Variants in SLC6A6 observed in about 807,000 individuals in gnomAD.
The protein encoded by SLC6A6 is sodium- and chloride-dependent taurine transporter.
In SLC6A6, 16 loss-of-function variants were observed where a neutral mutation model predicts 68.8. The ratio of observed to expected loss-of-function variants is 0.23; its 90% CI spans 0.16 to 0.35. The LOEUF is 0.35. SLC6A6 is among the 10% of genes least tolerant of loss of function. The pLI, the probability that SLC6A6 is intolerant of heterozygous loss-of-function variation, is 1.00. For synonymous variants in SLC6A6, 312 were observed against 315.4 expected (o/e 0.99, Z 0.12); for missense variants, 474 against 802.8 (o/e 0.59, Z 4.95).
chr3:14,443,520 G>A (rs867298721), intron 2 of SLC6A6, 104 bp from the exon 3 acceptor site: 87 of 781,770 alleles, frequency 1.1e-4, no homozygotes, highest in East Asian at 4.3e-4. Context: ...CCACAGGCCC[G>A]GGCAGGTGGG....
At chr3:14,417,732 GA>G (rs58223644) in intron 2 of SLC6A6, among the ~76,000 whole-genome samples, 8,120 of 105,778 alleles carry the variant, frequency 0.077, 661 homozygotes, top group African/African-American at 0.22. Flanking sequence ...ACTCCGTCTC[GA>G]AAAAAAAAAA....
intron 1 of SLC6A6, among the ~76,000 whole-genome samples, chr3:14,413,455 C>G (rs1699295381): frequency 6.6e-6 from 1 of 152,206 alleles, no homozygotes; most frequent in South Asian, 2.1e-4. Flanking sequence ...GAGCACCTGT[C>G]CTCAGCAAAC....
At chr3:14,403,663 G>A (rs1346835253) in intron 1 of SLC6A6, among the ~76,000 whole-genome samples, 1 of 152,242 alleles carries the variant, frequency 6.6e-6, no homozygotes, top group African/African-American at 2.4e-5. Flanking sequence ...CGGAGGGGCA[G>A]CCAAGGGGTA....
At chr3:14,421,956 C>T (rs550903715) in intron 2 of SLC6A6, among the ~76,000 whole-genome samples, 18 of 152,206 alleles carry the variant, frequency 1.2e-4, no homozygotes, top group African/African-American at 4.1e-4. Flanking sequence ...CTTCTCGTCT[C>T]GGCTCTTGGA....
chr3:14,457,995 T>A lies in SLC6A6; in HGVS notation c.645T>A (p.Ser215=), dbSNP rs1243075519. Residue 215 remains serine (S), a synonymous_variant, in exon 6 of 15, where the codon TCT becomes TCA. Coordinates refer to ENST00000622186, the MANE Select transcript of SLC6A6 (RefSeq NM_003043.6). ...CCCCTGGAATCGACCACCCAGGCTC[T>A]CTGAAATGGGACCTCGCTCTCTGCC... The part of the protein sequence containing the change: ...SLSPGIDHPG[S]LKWDLALCLL... The A allele has an allele frequency of 6.8e-6, 11 of 1,614,062 alleles. No individual in the cohort carries two copies. The highest frequency in any genetic ancestry group is 9.3e-6 in the Non-Finnish European group (11 of 1,179,868).
At chr3:14,430,622 G>A (rs531595484) in intron 2 of SLC6A6, among the ~76,000 whole-genome samples, 1 of 152,320 alleles carries the variant, frequency 6.6e-6, no homozygotes, top group South Asian at 2.1e-4. Flanking sequence ...GCACCATCTT[G>A]TAGTGCTGGA....
At chr3:14,467,776 A>G in intron 7 of SLC6A6, 77 bp from the exon 8 acceptor site, 1 of 825,842 alleles carries the variant, frequency 1.2e-6, no homozygotes, top group Non-Finnish European at 2.0e-6. Context: ...AGGTGGACAT[A>G]ACCCTCGCTG....
chr3:14,479,201 G>A lies in SLC6A6; in HGVS notation c.1551+16G>A, dbSNP rs762402817. On this transcript the variant is annotated intron_variant, in intron 13 of 14. Transcript: ENST00000622186. ...TCTCTGTGTTGTGAGTTCCATTTCT[G>A]TGGCTCTGGCTGGTGGCCTCTTCTC... is the stretch of plus-strand genomic sequence containing the variant. 9 of 1,529,932 alleles carry A rather than the reference G, an allele frequency of 5.9e-6. No homozygotes were observed. In the African/African-American group the frequency reaches 1.1e-4, roughly 19 times the overall value. The allele number at this position is 1,529,932 out of a possible 1,614,324, so 94.8% of individuals were successfully genotyped here. A position where few individuals can be genotyped will look rare whatever the true frequency, so the allele number is the denominator to read the frequency against.
At chr3:14,422,589 C>A (rs993871841) in intron 2 of SLC6A6, among the ~76,000 whole-genome samples, 1 of 152,146 alleles carries the variant, frequency 6.6e-6, no homozygotes, top group East Asian at 1.9e-4. Flanking sequence ...AGTGGCTCAC[C>A]TTCTGGGGGC....
chr3:14,467,833 C>T lies in SLC6A6; in HGVS notation c.868-20C>T. ...TGACAGCCCTCCTCTCTTTCCTTGC[C>T]ACCTCCCTCCCCCTCATAGGTGTGG... On this transcript the variant is annotated intron_variant, in intron 7 of 14. Coordinates refer to ENST00000622186, the MANE Select transcript of SLC6A6 (RefSeq NM_003043.6). The T allele has an allele frequency of 1.3e-6, 2 of 1,526,784 alleles. No homozygotes were observed. The highest frequency in any genetic ancestry group is 1.8e-6 in the Non-Finnish European group (2 of 1,110,746). 94.6% of individuals were successfully genotyped at this position (1,526,784 alleles called of 1,614,324 possible).
At chr3:14,427,133 C>G (rs1203621186) in intron 2 of SLC6A6, among the ~76,000 whole-genome samples, 1 of 152,170 alleles carries the variant, frequency 6.6e-6, no homozygotes, top group Non-Finnish European at 1.5e-5. Flanking sequence ...GCTTCTGTGC[C>G]TCAGAGTAGA....
chr3:14,469,950 T>A (rs1700714103), intron 9 of SLC6A6, among the ~76,000 whole-genome samples: 1 of 152,136 alleles, frequency 6.6e-6, no homozygotes, highest in South Asian at 2.1e-4. Flanking sequence ...GGCCAGAGAC[T>A]GAGGACACAG....
At chr3:14,436,498 C>A (rs1699853701) in intron 2 of SLC6A6, among the ~76,000 whole-genome samples, 1 of 123,418 alleles carries the variant, frequency 8.1e-6, no homozygotes, top group African/African-American at 3.1e-5. Context: ...GCCACCACGC[C>A]CACCCAGGAA....
At chr3:14,429,934 C>G (rs1699684811) in intron 2 of SLC6A6, among the ~76,000 whole-genome samples, 1 of 149,314 alleles carries the variant, frequency 6.7e-6, no homozygotes, top group African/African-American at 2.4e-5. Context: ...AGTGCAGTGT[C>G]TGGTGAATGG....
At chr3:14,409,788 G>A (rs1264860591) in intron 1 of SLC6A6, among the ~76,000 whole-genome samples, 6 of 152,182 alleles carry the variant, frequency 3.9e-5, no homozygotes, top group East Asian at 1.9e-4. Flanking sequence ...GGGACTTTGG[G>A]GTTGTGGGAT....
chr3:14,483,446 G>C (rs1363089350), intron 14 of SLC6A6, among the ~76,000 whole-genome samples: 1 of 152,242 alleles, frequency 6.6e-6, no homozygotes, highest in African/African-American at 2.4e-5. Flanking sequence ...CTCTGCCTGA[G>C]CCTCCTGTGT....
At chr3:14,439,754 TG>T (rs1431376779) in intron 2 of SLC6A6, among the ~76,000 whole-genome samples, 6 of 151,934 alleles carry the variant, frequency 3.9e-5, no homozygotes, top group African/African-American at 1.2e-4. Context: ...GGTGACCACT[TG>T]TGTGTGTGTG....
intron 1 of SLC6A6, among the ~76,000 whole-genome samples, chr3:14,413,983 C>CTG (rs1249245035): frequency 1.3e-4 from 20 of 152,016 alleles, no homozygotes; most frequent in African/African-American, 4.6e-4. Flanking sequence ...GTCTCCCAGG[C>CTG]ATGAGTCACC....
intron 1 of SLC6A6, among the ~76,000 whole-genome samples, chr3:14,403,450 T>A (rs1156858326): frequency 2.6e-5 from 4 of 152,142 alleles, no homozygotes; most frequent in Non-Finnish European, 5.9e-5. Context: ...TCCCTGGTTG[T>A]GGGCACTCGT....
Sources: allele counts gnomAD v4.1 joint callset (sites outside exome capture counted in the v4.1 genomes callset), GRCh38; gene constraint gnomAD v4.1.1; transcripts MANE v1.5; gene names NCBI Gene and HGNC (gene_info 2026-07-23, HGNC 2026-07-21).